The following NECTIN2 variants were observed in gnomAD, a reference collection of about 807,000 sequenced individuals.
NECTIN2 encodes the protein nectin cell adhesion molecule 2, also known as nectin-2.
Under a neutral mutation model 56.9 loss-of-function variants are expected in NECTIN2, and 23 were observed. The observed-to-expected ratio is 0.40, with a 90% CI of 0.29 to 0.57. NECTIN2 has a LOEUF of 0.57. Ranked by LOEUF, NECTIN2 falls within the 20% of genes least tolerant of loss-of-function variation. NECTIN2 has a pLI of 0.38. For synonymous variants in NECTIN2, 302 were observed against 313.8 expected (o/e 0.96, Z 0.40); for missense variants, 587 against 718.3 (o/e 0.82, Z 2.09).
At position 44,874,418 on chromosome 19, in the gene NECTIN2, G is replaced by A. The variant is rs748189641; in HGVS notation, c.982G>A (p.Val328Ile). The change falls in exon 5 of 9, where the codon GTC (valine) becomes ATC (isoleucine). Residue 328 changes from valine (V) to isoleucine (I), a missense_variant. Coordinates refer to ENST00000252483, the MANE Select transcript of NECTIN2 (RefSeq NM_001042724.2). This position sits in a 1 kb window ranked among gnomAD's most constrained non-coding sequence, Gnocchi z 6.3. ...AVDSLFNTTF[V>I]CTVTNAVGMG... Reference sequence around the variant, plus strand: ...GGACAGTCTGTTCAATACCACCTTCGTCTGCACAGTCACCAATGCCGTGGG... The same window carrying A: ...GGACAGTCTGTTCAATACCACCTTCATCTGCACAGTCACCAATGCCGTGGG... The A allele has an allele frequency of 1.2e-5, 20 of 1,613,940 alleles. No individual in the cohort carries two copies. Among genetic ancestry groups the A allele is most frequent in the East Asian group, 2.2e-5 (1 of 44,892 alleles).
intron 1 of NECTIN2, among the ~76,000 whole-genome samples, chr19:44,853,907 G>A (rs539557028): frequency 6.6e-5 from 10 of 152,296 alleles, no homozygotes; most frequent in South Asian, 2.1e-4. Context: ...CCCTGCCCTC[G>A]TGGCGCTGGC....
intron 5 of NECTIN2, among the ~76,000 whole-genome samples, chr19:44,881,347 G>A (rs753454987): frequency 1.1e-4 from 16 of 151,926 alleles, no homozygotes; most frequent in Admixed American, 5.3e-4. Context: ...ACTCTGCCCC[G>A]CCTCATTCTG....
At chr19:44,876,636 C>A (rs1032139612) in intron 5 of NECTIN2, among the ~76,000 whole-genome samples, 1 of 152,200 alleles carries the variant, frequency 6.6e-6, no homozygotes, top group Non-Finnish European at 1.5e-5. Flanking sequence ...AACCCACATC[C>A]AGGCACACAC....
chr19:44,879,047 C>G (rs557364824), intron 5 of NECTIN2: 1 of 475,112 alleles, frequency 2.1e-6, no homozygotes, highest in Non-Finnish European at 2.8e-6. Flanking sequence ...TCCACGCCCC[C>G]GGGGAACGAG....
intron 3 of NECTIN2, among the ~76,000 whole-genome samples, chr19:44,872,422 T>C (rs1369981076): frequency 1.3e-5 from 2 of 152,092 alleles, no homozygotes; most frequent in African/African-American, 4.8e-5. Context: ...TACATTTCTT[T>C]CCAATTCCAC....
intron 1 of NECTIN2, among the ~76,000 whole-genome samples, chr19:44,852,376 T>G (rs1485801018): frequency 1.3e-5 from 2 of 151,826 alleles, no homozygotes; most frequent in Non-Finnish European, 2.9e-5. Context: ...TCTCCTGAGC[T>G]CAGGTGAGCC....
At chr19:44,869,737 A>C (rs1178540372) in intron 2 of NECTIN2, among the ~76,000 whole-genome samples, 1 of 152,100 alleles carries the variant, frequency 6.6e-6, no homozygotes, top group East Asian at 1.9e-4. Context: ...CAGCTCTTGC[A>C]AGTGAGCTTT....
intron 8 of NECTIN2, among the ~76,000 whole-genome samples, chr19:44,887,299 A>T (rs1969371594): frequency 6.6e-6 from 1 of 151,504 alleles, no homozygotes; most frequent in Non-Finnish European, 1.5e-5. Flanking sequence ...CAATGAGCTG[A>T]GACCACGCCA....
intron 2 of NECTIN2, among the ~76,000 whole-genome samples, chr19:44,868,318 T>C (rs1969126559): frequency 6.9e-6 from 1 of 144,462 alleles, no homozygotes; most frequent in Non-Finnish European, 1.5e-5. Context: ...GAGCCAAGAT[T>C]GCACCACTGC....
chr19:44,853,257 C>T lies in NECTIN2; in HGVS notation c.88+6644C>T, dbSNP rs570452650. Among the ~76,000 whole-genome samples the T allele has an allele frequency of 3.0e-4, 45 of 150,200 alleles. 1 individual carries two copies. Among genetic ancestry groups the T allele is most frequent in the African/African-American group, 9.3e-4 (38 of 40,832 alleles). On this transcript the variant is annotated intron_variant, in intron 1 of 8. Coordinates refer to ENST00000252483, the MANE Select transcript of NECTIN2 (RefSeq NM_001042724.2). ...TGTCCCCCCAGCTGGAGTGCAGTGG[C>T]GCGATCTCAGCTCACTGCAAGCTCT... is the stretch of plus-strand genomic sequence containing the variant.
In NECTIN2 at chr19:44,846,509, C is replaced by A; in HGVS notation, c.-17C>A. 1 of 1,488,232 alleles carries A rather than the reference C, an allele frequency of 6.7e-7. No individual in the cohort carries two copies. The highest frequency in any genetic ancestry group is 1.3e-5 in the South Asian group (1 of 78,930). 92.2% of individuals were successfully genotyped at this position (1,488,232 alleles called of 1,614,324 possible). ...CCGCGGGCCTCCGGCCGGGCCCAGT[C>A]CCCTCCCGGGCCCTCCATGGCCCGG... is the stretch of plus-strand genomic sequence containing the variant. On this transcript the variant is annotated 5_prime_UTR_variant, in exon 1 of 9. Coordinates refer to ENST00000252483, the MANE Select transcript of NECTIN2 (RefSeq NM_001042724.2).
chr19:44,865,412 C>T lies in NECTIN2; in HGVS notation c.230C>T (p.Ala77Val), dbSNP rs111808500. 263 of 1,614,054 alleles carry T rather than the reference C, an allele frequency of 1.6e-4. No individual in the cohort carries two copies. The highest frequency in any genetic ancestry group is 5.2e-4 in the Admixed American group (31 of 59,994). ...LVTWQRPDAP[A>V]NHQNVAAFHP... The stretch of plus-strand genomic sequence containing the variant: ...ACCTGGCAGCGCCCAGATGCACCTG[C>T]GAACCACCAGAATGTGGCCGCCTTC... The change falls in exon 2 of 9, where the codon GCG becomes GTG. Residue 77 changes from alanine to valine, a missense_variant. Coordinates refer to ENST00000252483, the MANE Select transcript of NECTIN2 (RefSeq NM_001042724.2). The surrounding 1 kb of genome is among the most constrained non-coding windows in gnomAD (Gnocchi z 5.2).
At chr19:44,880,806 ACT>A (rs976047315) in intron 5 of NECTIN2, among the ~76,000 whole-genome samples, 2 of 103,106 alleles carry the variant, frequency 1.9e-5, no homozygotes, top group Admixed American at 1.0e-4. Context: ...ACGGAGTTTC[ACT>A]CTTATCCAGG....
In NECTIN2 at chr19:44,857,705, G is replaced by GTTTT. The variant is rs752045466; in HGVS notation, c.89-7564_89-7561dup. Reference sequence around the variant, plus strand: ...GCGTGAGCCATCGTGCCGGGTTTTTGTTTTTGTTTTTTTTTTTTTAAGAGA... The same window carrying GTTTT: ...GCGTGAGCCATCGTGCCGGGTTTTTGTTTTTTTTTGTTTTTTTTTTTTTAAGAGA... On this transcript the variant is annotated intron_variant, in intron 1 of 8. Transcript: ENST00000252483. Among the ~76,000 whole-genome samples, 25 of 118,584 alleles carry GTTTT rather than the reference G, an allele frequency of 2.1e-4. 4 individuals are homozygous for GTTTT. The highest frequency in any genetic ancestry group is 2.5e-4 in the Admixed American group (3 of 11,932). The allele number at this position is 118,584 out of a possible 152,430, so 77.8% of individuals were successfully genotyped here.
chr19:44,887,760 CA>C (rs1226746341), intron 8 of NECTIN2, among the ~76,000 whole-genome samples: 2 of 152,144 alleles, frequency 1.3e-5, no homozygotes, highest in Non-Finnish European at 2.9e-5. Flanking sequence ...TACTGGAGGT[CA>C]GGGGTCAGAC....
intron 1 of NECTIN2, among the ~76,000 whole-genome samples, chr19:44,858,003 AG>A (rs1259479825): frequency 6.6e-6 from 1 of 152,244 alleles, no homozygotes; most frequent in Non-Finnish European, 1.5e-5. Flanking sequence ...CACAAATTCC[AG>A]GAACAAGAAG....
At chr19:44,870,849 C>T (rs916098083) in intron 2 of NECTIN2, among the ~76,000 whole-genome samples, 1 of 151,950 alleles carries the variant, frequency 6.6e-6, no homozygotes, top group African/African-American at 2.4e-5. Flanking sequence ...CTTACCTCAG[C>T]CTCCCGAGTA....
chr19:44,871,813 C>T, intron 2 of NECTIN2, 40 bp from the exon 3 acceptor site: 1 of 1,587,582 alleles, frequency 6.3e-7, no homozygotes, highest in South Asian at 1.1e-5. Context: ...TGAATGACTG[C>T]CGGTGAGGAG....
chr19:44,865,763 A>G lies in NECTIN2; in HGVS notation c.478+103A>G. The G allele has an allele frequency of 7.8e-7, 1 of 1,282,234 alleles. No homozygotes were observed. The allele number at this position is 1,282,234 out of a possible 1,614,324, so 79.4% of individuals were successfully genotyped here. A position where few individuals can be genotyped will look rare whatever the true frequency, so the allele number is the denominator to read the frequency against. On this transcript the variant is annotated intron_variant, in intron 2 of 8. Coordinates refer to ENST00000252483, the MANE Select transcript of NECTIN2 (RefSeq NM_001042724.2). The surrounding 1 kb of genome is among the most constrained non-coding windows in gnomAD (Gnocchi z 5.2). ...TCTTGGCTTCAGCTGTGAGGTTCAC[A>G]TTCTCTGTGGGTTTCCATCCATCAG...
Sources: allele counts gnomAD v4.1 joint callset (sites outside exome capture counted in the v4.1 genomes callset), GRCh38; gene constraint gnomAD v4.1.1; non-coding constraint Gnocchi (gnomAD v3.1); transcripts MANE v1.5; gene names NCBI Gene and HGNC (gene_info 2026-07-23, HGNC 2026-07-21).